SETX: variants seen among roughly 807,000 people sequenced by gnomAD.
The protein encoded by SETX is senataxin, also known as helicase senataxin.
A neutral mutation model predicts 227.2 loss-of-function variants in SETX; 90 were observed. That is an observed-to-expected ratio of 0.40 (90% CI 0.33 to 0.47). The LOEUF (loss-of-function observed/expected upper bound fraction) is 0.47. Among genes scored for constraint, SETX ranks in the 20% least tolerant of loss-of-function variants. The probability of loss-of-function intolerance (pLI) is 0.91; values close to 1 mark genes in which losing one functional copy is unlikely to be tolerated. For synonymous variants in SETX, 1,210 were observed against 1,113.2 expected (o/e 1.09, Z -1.73); for missense variants, 3,052 against 3,181.5 (o/e 0.96, Z 0.98).
intron 11 of SETX, among the ~76,000 whole-genome samples, chr9:132,301,055 CTAA>C (rs918837534): frequency 1.2e-4 from 18 of 148,810 alleles, no homozygotes; most frequent in African/African-American, 4.2e-4. Flanking sequence ...TGAAAAGTAG[CTAA>C]TAAATTTTCT....
rs949093003 is a variant in SETX at position 132,261,573 on chromosome 9, A to C, written c.*2666T>G. On this transcript the variant is annotated 3_prime_UTR_variant, in exon 26 of 26. Coordinates refer to ENST00000224140, the MANE Select transcript of SETX (RefSeq NM_015046.7). ...ACAAAGACAACAGGGCTGTTTGCCA[A>C]ATCGCAGCTATTAATTCACAGCATA... is the stretch of plus-strand genomic sequence containing the variant. The C allele has an allele frequency of 3.3e-5, 5 of 152,746 alleles. No individual in the cohort carries two copies. The South Asian group carries it at 6.2e-4, about 19-fold the overall frequency. 9.5% of individuals were successfully genotyped at this position (152,746 alleles called of 1,614,324 possible).
intron 18 of SETX, among the ~76,000 whole-genome samples, chr9:132,283,617 G>A (rs1349600660): frequency 2.0e-5 from 3 of 152,176 alleles, no homozygotes; most frequent in East Asian, 1.9e-4. Context: ...TGTGTGCTTC[G>A]CGGCTGAAAC....
intron 4 of SETX, among the ~76,000 whole-genome samples, chr9:132,345,202 AG>A (rs1848216249): frequency 6.6e-6 from 1 of 152,256 alleles, no homozygotes; most frequent in East Asian, 1.9e-4. Flanking sequence ...CCCACAGCAA[AG>A]GATTATCCAA....
intron 15 of SETX, among the ~76,000 whole-genome samples, chr9:132,291,472 TTTC>T (rs1844303046): frequency 6.6e-6 from 1 of 152,058 alleles, no homozygotes; most frequent in East Asian, 1.9e-4. Context: ...GGCCTGAAAA[TTTC>T]TTAATTCACT....
chr9:132,279,098 GA>G lies in SETX; in HGVS notation c.6655-842del, dbSNP rs1212252301. 3.9e-5 allele frequency among the ~76,000 whole-genome samples: 6 copies of G among 152,176 alleles called. No individual in the cohort carries two copies. The East Asian group carries it at 1.2e-3, about 29-fold the overall frequency. On this transcript the variant is annotated intron_variant, in intron 20 of 25. Coordinates refer to ENST00000224140, the MANE Select transcript of SETX (RefSeq NM_015046.7). ...AGATGGTGAAGCATTTCAAATTTTTGAATTAGGAACGCCGAAGCTGTGCTAA... is the reference window on the plus strand; with the variant it reads ...AGATGGTGAAGCATTTCAAATTTTTGATTAGGAACGCCGAAGCTGTGCTAA...
intron 11 of SETX, among the ~76,000 whole-genome samples, chr9:132,302,754 AAAG>A (rs1009320985): frequency 1.3e-5 from 2 of 151,960 alleles, no homozygotes; most frequent in African/African-American, 4.8e-5. Flanking sequence ...ATGACAATAA[AAAG>A]AAACTTTTTA....
intron 5 of SETX, among the ~76,000 whole-genome samples, chr9:132,338,472 T>G (rs1014705279): frequency 2.0e-5 from 3 of 152,180 alleles, no homozygotes; most frequent in Admixed American, 6.5e-5. Flanking sequence ...CAATGAAATG[T>G]TCCAGATTAA....
intron 24 of SETX, among the ~76,000 whole-genome samples, chr9:132,271,449 C>CA (rs1842899406): frequency 6.6e-6 from 1 of 152,174 alleles, no homozygotes; most frequent in Admixed American, 6.5e-5. Flanking sequence ...CCTGTAGTCC[C>CA]AGCTACTCGG....
rs1008871961 is a variant in SETX at position 132,263,234 on chromosome 9, A to C, written c.*1005T>G. ...CAAAATATTCTATTTGGCCTGCCCC[A>C]GTGGTTCCCAAGCTGCCTGGTGATC... On this transcript the variant is annotated 3_prime_UTR_variant, in exon 26 of 26. Transcript: ENST00000224140. 3 of 152,216 alleles carry C rather than the reference A, an allele frequency of 2.0e-5. No individual in the cohort carries two copies. Among genetic ancestry groups the C allele is most frequent in the Admixed American group, 6.5e-5 (1 of 15,278 alleles). The allele number at this position is 152,216 out of a possible 1,614,324, so 9.4% of individuals were successfully genotyped here. A position where few individuals can be genotyped will look rare whatever the true frequency, so the allele number is the denominator to read the frequency against.
chr9:132,292,625 A>ATTTTT (rs529367112), intron 15 of SETX, among the ~76,000 whole-genome samples: 1 of 125,232 alleles, frequency 8.0e-6, no homozygotes, highest in Non-Finnish European at 1.7e-5. Context: ...TTCCCAACTC[A>ATTTTT]TTTTTTTTTT....
rs566533122 is a variant in SETX, at chr9:132,296,119, T to C, written c.5950-91A>G. 2.2e-5 allele frequency: 33 copies of C among 1,470,232 alleles called. No homozygotes were observed. The South Asian group carries it at 3.2e-4, about 14-fold the overall frequency. 91.1% of individuals were successfully genotyped at this position (1,470,232 alleles called of 1,614,324 possible). A position where few individuals can be genotyped will look rare whatever the true frequency, so the allele number is the denominator to read the frequency against. ...GCTTTAAAGTTTGTCTTTACTTCCA[T>C]GTATTTTTGAAAGTTCTCGTAATAA... On this transcript the variant is annotated intron_variant, in intron 14 of 25. Coordinates refer to ENST00000224140, the MANE Select transcript of SETX (RefSeq NM_015046.7).
intron 5 of SETX, among the ~76,000 whole-genome samples, chr9:132,337,414 A>C (rs1376935791): frequency 7.2e-6 from 1 of 138,942 alleles, no homozygotes; most frequent in Non-Finnish European, 1.5e-5. Context: ...TATGAATTAA[A>C]TTTAGTGCTC....
Position 132,349,275 on chromosome 9 carries a change from C to G in SETX, c.154G>C (p.Asp52His). Reference protein sequence around the residue: ...ECVAEYHKARDELPFLHEVLW... With the variant: ...ECVAEYHKARHELPFLHEVLW... ...ACCTCATGCAAGAATGGCAATTCAT[C>G]TCTTGCTTTGTGGTACTCAGCCACA... Residue 52 changes from aspartate to histidine, a missense_variant, in exon 3 of 26, where the codon GAT (aspartate) becomes CAT (histidine). Coordinates refer to ENST00000224140, the MANE Select transcript of SETX (RefSeq NM_015046.7). 1 of 1,614,062 alleles carries G rather than the reference C, an allele frequency of 6.2e-7. No homozygotes were observed. The highest frequency in any genetic ancestry group is 2.2e-5 in the East Asian group (1 of 44,876).
chr9:132,351,166 TA>T (rs1286562874), intron 2 of SETX, among the ~76,000 whole-genome samples: 1 of 152,190 alleles, frequency 6.6e-6, no homozygotes, highest in East Asian at 1.9e-4. Context: ...TTTTTTCCGG[TA>T]ACCTAGTTTA....
rs1157251508 is a variant in SETX, at chr9:132,353,678, G to A, written c.-37C>T. 6.6e-6 allele frequency: 1 copy of A among 151,984 alleles called. No individual in the cohort carries two copies. The highest frequency in any genetic ancestry group is 2.4e-5 in the African/African-American group (1 of 41,370). 9.4% of individuals were successfully genotyped at this position (151,984 alleles called of 1,614,324 possible). A position where few individuals can be genotyped will look rare whatever the true frequency, so the allele number is the denominator to read the frequency against. Reference sequence around the variant, plus strand: ...ACAAATGGCCTACAGAAAAGTGATCGTCTCAGCTGGGCTTAGTTGTGAACA... The same window carrying A: ...ACAAATGGCCTACAGAAAAGTGATCATCTCAGCTGGGCTTAGTTGTGAACA... On this transcript the variant is annotated 5_prime_UTR_variant, in exon 2 of 26. In the 5' UTR this introduces an upstream ATG that the reference lacks. Transcript: ENST00000224140.
intron 23 of SETX, 115 bp downstream of exon 23, chr9:132,275,141 C>T (rs891925863): frequency 4.8e-5 from 54 of 1,119,172 alleles, no homozygotes; most frequent in Non-Finnish European, 5.4e-5. Flanking sequence ...TTCCTCGTGC[C>T]GTATCACCAA....
rs113280113 is a variant in SETX at position 132,295,228 on chromosome 9, AT to A, written c.6106+643del. Among the ~76,000 whole-genome samples the A allele has an allele frequency of 8.0e-3, 1,215 of 152,342 alleles. 18 individuals carry two copies. Among genetic ancestry groups the A allele is most frequent in the African/African-American group, 0.027 (1,134 of 41,578 alleles). On this transcript the variant is annotated intron_variant, in intron 15 of 25. Transcript: ENST00000224140. ...AAGTTATCCCTCTAGTGTATTTAAC[AT>A]TTCTAAGCTTCAGTTTCCCCACCTA...
rs772169648 is a variant in SETX, at chr9:132,261,505, TCTG to T, written c.*2731_*2733del. The stretch of plus-strand genomic sequence containing the variant: ...TCTAATCCATGTCCATCTTCTTGTT[TCTG>T]CTTTTAATTCTGCCATTTCCTCTTA... On this transcript the variant is annotated 3_prime_UTR_variant, in exon 26 of 26. Coordinates refer to ENST00000224140, the MANE Select transcript of SETX (RefSeq NM_015046.7). 2 of 152,400 alleles carry T rather than the reference TCTG, an allele frequency of 1.3e-5. No homozygotes were observed. Among genetic ancestry groups the T allele is most frequent in the Non-Finnish European group, 2.9e-5 (2 of 68,044 alleles). The allele number at this position is 152,400 out of a possible 1,614,324, so 9.4% of individuals were successfully genotyped here. A position where few individuals can be genotyped will look rare whatever the true frequency, so the allele number is the denominator to read the frequency against.
rs761851331 is a variant in SETX, at chr9:132,327,892, C to T, written c.3706G>A (p.Val1236Ile). The stretch of plus-strand genomic sequence containing the variant: ...TTCTTAGGGGTCTTAGAAACTGGAA[C>T]TTTCCTGATGGGTTCTGTACAAGTA... ...LCTCTEPIRK[V>I]PVSKTPKKTH... Residue 1236 changes from valine (V) to isoleucine (I), a missense_variant, in exon 10 of 26, where the codon GTT (valine) becomes ATT (isoleucine). Coordinates refer to ENST00000224140, the MANE Select transcript of SETX (RefSeq NM_015046.7). 12 of 1,614,050 alleles carry T rather than the reference C, an allele frequency of 7.4e-6. No homozygotes were observed. The Admixed American group carries it at 1.8e-4, about 25-fold the overall frequency.
Sources: gnomAD v4.1 joint callset for allele counts (sites outside exome capture counted in the v4.1 genomes callset) on GRCh38, gnomAD v4.1.1 for gene constraint, MANE v1.5 for transcripts, NCBI Gene and HGNC (gene_info 2026-07-23, HGNC 2026-07-21) for gene names.